SLC2A4RG: variants seen among roughly 807,000 people sequenced by gnomAD.
The protein encoded by SLC2A4RG is SLC2A4 regulator, also known as GLUT4 enhancer factor.
In SLC2A4RG, 23 loss-of-function variants were observed where a neutral mutation model predicts 35.5. The ratio of observed to expected loss-of-function variants is 0.65; its 90% CI spans 0.47 to 0.92. The LOEUF is 0.92. Among genes scored for constraint, SLC2A4RG ranks in the 40% least tolerant of loss-of-function variants. The pLI is 0.00. For missense variants in SLC2A4RG, 539 were observed against 525.0 expected (o/e 1.03, Z -0.26); for synonymous variants, 306 against 243.7 (o/e 1.26, Z -2.38).
Position 63,743,277 on chromosome 20 carries a change from C to T in SLC2A4RG, c.*287C>T, listed in dbSNP as rs118097084. 61 of 297,754 alleles carry T rather than the reference C, an allele frequency of 2.0e-4. No individual in the cohort carries two copies. In the East Asian group the frequency reaches 3.0e-3, roughly 15 times the overall value. The allele number at this position is 297,754 out of a possible 1,614,324, so 18.4% of individuals were successfully genotyped here. Reference sequence around the variant, plus strand: ...AGGGCCCTGGGGGCAGCCACCCTCCCGCCTGTCGGCCCGTAGATTTATCAA... The same window carrying T: ...AGGGCCCTGGGGGCAGCCACCCTCCTGCCTGTCGGCCCGTAGATTTATCAA... On this transcript the variant is annotated 3_prime_UTR_variant, in exon 8 of 8. Transcript: ENST00000266077.
chr20:63,741,307 C>T, intron 2 of SLC2A4RG, 63 bp from the exon 3 acceptor site: 1 of 1,498,604 alleles, frequency 6.7e-7, no homozygotes, highest in Non-Finnish European at 9.2e-7. Flanking sequence ...GCACGTGGAC[C>T]GACCAGGGGA....
chr20:63,742,692 C>T lies in SLC2A4RG; in HGVS notation c.961-7C>T, dbSNP rs772862291. ...GGGAGTGAAGCCCTGGCTGTGTCTC[C>T]CTGTAGGGCTGCCTGACGCCCGCCC... On this transcript the variant is annotated splice_polypyrimidine_tract_variant and splice_region_variant and intron_variant, in intron 6 of 7. Transcript: ENST00000266077. The T allele has an allele frequency of 2.5e-6, 4 of 1,598,716 alleles. No individual in the cohort carries two copies. Among genetic ancestry groups the T allele is most frequent in the Non-Finnish European group, 3.4e-6 (4 of 1,173,458 alleles).
At position 63,743,087 on chromosome 20, in the gene SLC2A4RG, C is replaced by T. The variant is rs1311781018; in HGVS notation, c.*97C>T. ...GCCCGAGGACAGCCCCAGGGGCTGG[C>T]TTTCACCAGCTGCAGGGTCTGCTTT... On this transcript the variant is annotated 3_prime_UTR_variant, in exon 8 of 8. Coordinates refer to ENST00000266077, the MANE Select transcript of SLC2A4RG (RefSeq NM_020062.4). 15 of 506,728 alleles carry T rather than the reference C, an allele frequency of 3.0e-5. No individual in the cohort carries two copies. Among genetic ancestry groups the T allele is most frequent in the Non-Finnish European group, 4.4e-5 (15 of 337,532 alleles). The allele number at this position is 506,728 out of a possible 1,614,324, so 31.4% of individuals were successfully genotyped here.
intron 1 of SLC2A4RG, 128 bp downstream of exon 1, chr20:63,740,166 T>G: frequency 2.4e-6 from 1 of 415,022 alleles, no homozygotes; most frequent in Non-Finnish European, 3.2e-6. Context: ...GGTCCGCGCG[T>G]GTCCGTGGGT....
Position 63,741,446 on chromosome 20 carries a change from C to T in SLC2A4RG, c.358C>T (p.Leu120Phe), listed in dbSNP as rs758370846. The change falls in exon 3 of 8, where the codon CTT becomes TTT. Residue 120 changes from leucine to phenylalanine, a missense_variant. By Grantham distance (22) the Leu-to-Phe change is conservative (BLOSUM62 0). Coordinates refer to ENST00000266077, the MANE Select transcript of SLC2A4RG (RefSeq NM_020062.4). ...ALTSLSTSPL[L>F]LGAPVAAFSP... ...TACAAGCCTGTCCACCAGCCCTCTC[C>T]TTCTGGGGGCCCCGGTTGCAGCCTT... 29 of 1,613,402 alleles carry T rather than the reference C, an allele frequency of 1.8e-5. No individual in the cohort carries two copies. Among genetic ancestry groups the T allele is most frequent in the South Asian group, 7.7e-5 (7 of 91,090 alleles).
intron 2 of SLC2A4RG, 160 bp from the exon 3 acceptor site, chr20:63,741,210 C>G (rs2092039834): frequency 6.0e-6 from 4 of 664,366 alleles, no homozygotes; most frequent in Non-Finnish European, 1.0e-5. Context: ...GCTTTCAGCT[C>G]TCTCTGCAAC....
rs758187741 is a variant in SLC2A4RG, at chr20:63,742,947, C to T, written c.1121C>T (p.Thr374Ile). 1 of 1,612,084 alleles carries T rather than the reference C, an allele frequency of 6.2e-7. No homozygotes were observed. The highest frequency in any genetic ancestry group is 1.1e-5 in the South Asian group (1 of 91,018). The change falls in exon 8 of 8, where the codon ACA (threonine) becomes ATA (isoleucine). Residue 374 changes from threonine to isoleucine, a missense_variant. By Grantham distance (89) the Thr-to-Ile change is moderately conservative. Coordinates refer to ENST00000266077, the MANE Select transcript of SLC2A4RG (RefSeq NM_020062.4). Reference sequence around the variant, plus strand: ...ATGGAGCGCCGGGACCTCTGGTGCACAGCCTGCCGCTGGAAGAAAGCCTGC... The same window carrying T: ...ATGGAGCGCCGGGACCTCTGGTGCATAGCCTGCCGCTGGAAGAAAGCCTGC... ...YGMERRDLWC[T>I]ACRWKKACQR...
Position 63,743,244 on chromosome 20 carries a change from T to G in SLC2A4RG, c.*254T>G. ...AAGCCAAACCACACCGCTGTCCCCT[T>G]AGCCCCAAGGGCCCTGGGGGCAGCC... On this transcript the variant is annotated 3_prime_UTR_variant, in exon 8 of 8. Coordinates refer to ENST00000266077, the MANE Select transcript of SLC2A4RG (RefSeq NM_020062.4). 10 of 355,098 alleles carry G rather than the reference T, an allele frequency of 2.8e-5. No homozygotes were observed. Among genetic ancestry groups the G allele is most frequent in the Middle Eastern group, 8.3e-4 (1 of 1,200 alleles). 22.0% of individuals were successfully genotyped at this position (355,098 alleles called of 1,614,324 possible). A position where few individuals can be genotyped will look rare whatever the true frequency, so the allele number is the denominator to read the frequency against.
chr20:63,742,000 C>T lies in SLC2A4RG; in HGVS notation c.523C>T (p.Leu175=), dbSNP rs368590470. The T allele has an allele frequency of 1.1e-4, 184 of 1,612,954 alleles. No homozygotes were observed. Among genetic ancestry groups the T allele is most frequent in the Non-Finnish European group, 1.5e-4 (181 of 1,179,780 alleles). Reference sequence around the variant, plus strand: ...CTCTCCGTCCACCCCGTCACCCCCACTGCCCCCCGAGGCAGCCCACTTTCT... The same window carrying T: ...CTCTCCGTCCACCCCGTCACCCCCATTGCCCCCCGAGGCAGCCCACTTTCT... ...QSSPSTPSPP[L]PPEAAHFLFG... Residue 175 remains leucine, a synonymous_variant, in exon 4 of 8, where the codon CTG becomes TTG. Transcript: ENST00000266077.
rs2092051999 is a variant in SLC2A4RG at position 63,742,936 on chromosome 20, C to T, written c.1110C>T (p.Asp370=). The T allele has an allele frequency of 1.2e-6, 2 of 1,612,478 alleles. No homozygotes were observed. The highest frequency in any genetic ancestry group is 1.3e-5 in the African/African-American group (1 of 75,004). ...AGGTGTATGGCATGGAGCGCCGGGA[C>T]CTCTGGTGCACAGCCTGCCGCTGGA... is the stretch of plus-strand genomic sequence containing the variant. The part of the protein sequence containing the change: ...CRKVYGMERR[D]LWCTACRWKK... The change falls in exon 8 of 8, where the codon GAC becomes GAT. Residue 370 remains aspartate (D), a synonymous_variant. Coordinates refer to ENST00000266077, the MANE Select transcript of SLC2A4RG (RefSeq NM_020062.4).
chr20:63,741,281 A>T (rs1285610911), intron 2 of SLC2A4RG, 89 bp from the exon 3 acceptor site: 2 of 1,174,048 alleles, frequency 1.7e-6, no homozygotes, highest in East Asian at 4.8e-5. Flanking sequence ...CCTGGTGTGC[A>T]CGCGTGCCCA....
At position 63,742,320 on chromosome 20, in the gene SLC2A4RG, G is replaced by C; in HGVS notation, c.681-16G>C. 1 of 1,605,326 alleles carries C rather than the reference G, an allele frequency of 6.2e-7. No individual in the cohort carries two copies. The highest frequency in any genetic ancestry group is 8.5e-7 in the Non-Finnish European group (1 of 1,176,348). On this transcript the variant is annotated splice_polypyrimidine_tract_variant and intron_variant, in intron 5 of 7. Coordinates refer to ENST00000266077, the MANE Select transcript of SLC2A4RG (RefSeq NM_020062.4). ...CCACCCCTTCAGCTCCCACTGGCTG[G>C]CTGTGTCTCCCGCAGGAGGCAGGCA...
At chr20:63,740,099 A>G in intron 1 of SLC2A4RG, 61 bp downstream of exon 1, 7 of 849,480 alleles carry the variant, frequency 8.2e-6, no homozygotes, top group Non-Finnish European at 9.9e-6. Context: ...AGATGGCGTC[A>G]GTGCTGCCCA....
rs563218186 is a variant in SLC2A4RG, at chr20:63,743,098, T to A, written c.*108T>A. The A allele has an allele frequency of 6.1e-5, 12 of 198,190 alleles. No individual in the cohort carries two copies. The East Asian group carries it at 1.4e-3, about 24-fold the overall frequency. 12.3% of individuals were successfully genotyped at this position (198,190 alleles called of 1,614,324 possible). On this transcript the variant is annotated 3_prime_UTR_variant, in exon 8 of 8. Coordinates refer to ENST00000266077, the MANE Select transcript of SLC2A4RG (RefSeq NM_020062.4). The stretch of plus-strand genomic sequence containing the variant: ...GCCCCAGGGGCTGGCTTTCACCAGC[T>A]GCAGGGTCTGCTTTTACTTGGGGTG...
chr20:63,740,592 G>A, intron 2 of SLC2A4RG, 61 bp downstream of exon 2: 1 of 1,221,910 alleles, frequency 8.2e-7, no homozygotes, highest in Non-Finnish European at 1.0e-6. Context: ...GTGGGGTGCG[G>A]AGACACCGGC....
Position 63,740,440 on chromosome 20 carries a change from C to A in SLC2A4RG, c.190C>A (p.Arg64=). 1 of 1,230,912 alleles carries A rather than the reference C, an allele frequency of 8.1e-7. No individual in the cohort carries two copies. The highest frequency in any genetic ancestry group is 1.0e-6 in the Non-Finnish European group (1 of 986,580). The allele number at this position is 1,230,912 out of a possible 1,614,324, so 76.2% of individuals were successfully genotyped here. ...CGCGCGGCCGCAGGAGTCGGAGCCG[C>A]GGGCCTCGGACCTGGGGGCCCCCCG... ...EFARPQESEP[R]ASDLGAPRTW... is the part of the protein sequence containing the mutation. Residue 64 remains arginine, a synonymous_variant, in exon 2 of 8, where the codon CGG becomes AGG. Transcript: ENST00000266077.
intron 3 of SLC2A4RG, 144 bp downstream of exon 3, chr20:63,741,623 C>G: frequency 9.0e-7 from 1 of 1,112,612 alleles, no homozygotes; most frequent in Non-Finnish European, 1.3e-6. Context: ...GTGCCCCCTA[C>G]TGAGGCCAAA....
At position 63,740,431 on chromosome 20, in the gene SLC2A4RG, T is replaced by C; in HGVS notation, c.181T>C (p.Ser61Pro). The C allele has an allele frequency of 8.1e-7, 1 of 1,227,924 alleles. No individual in the cohort carries two copies. The highest frequency in any genetic ancestry group is 4.1e-5 in the South Asian group (1 of 24,444). 76.1% of individuals were successfully genotyped at this position (1,227,924 alleles called of 1,614,324 possible). A position where few individuals can be genotyped will look rare whatever the true frequency, so the allele number is the denominator to read the frequency against. The change falls in exon 2 of 8, where the codon TCG becomes CCG. Residue 61 changes from serine to proline, a missense_variant. Physicochemically the swap from Ser to Pro is moderately conservative, Grantham distance 74. Transcript: ENST00000266077. The part of the protein sequence containing the change: ...AGLEFARPQE[S>P]EPRASDLGAP... ...CTTGGAGTTCGCGCGGCCGCAGGAG[T>C]CGGAGCCGCGGGCCTCGGACCTGGG...
rs2092050112 is a variant in SLC2A4RG at position 63,742,711 on chromosome 20, C to T, written c.973C>T (p.Pro325Ser). ...SDRVYQGCLT[P>S]ARLEPQPTEV... The stretch of plus-strand genomic sequence containing the variant: ...TGTCTCCCTGTAGGGCTGCCTGACG[C>T]CCGCCCGCCTGGAGCCGCAGCCCAC... Residue 325 changes from proline (P) to serine (S), a missense_variant, in exon 7 of 8, where the codon CCC (proline) becomes TCC (serine). Physicochemically the swap from Pro to Ser is moderately conservative, Grantham distance 74 (BLOSUM62 -1). Coordinates refer to ENST00000266077, the MANE Select transcript of SLC2A4RG (RefSeq NM_020062.4). 2.5e-6 allele frequency: 4 copies of T among 1,594,954 alleles called. No homozygotes were observed. The highest frequency in any genetic ancestry group is 3.4e-6 in the Non-Finnish European group (4 of 1,172,110).
Sources: gnomAD v4.1 joint callset for allele counts on GRCh38, gnomAD v4.1.1 for gene constraint, MANE v1.5 for transcripts, NCBI Gene and HGNC (gene_info 2026-07-23, HGNC 2026-07-21) for gene names.